PRKG1: variants seen among roughly 807,000 people sequenced by gnomAD.
PRKG1 encodes the protein cGMP-dependent protein kinase 1.
PRKG1 carries 35 observed loss-of-function variants against 88.1 expected under a neutral mutation model. The ratio of observed to expected loss-of-function variants is 0.40; its 90% confidence interval spans 0.30 to 0.53. The LOEUF is 0.53. PRKG1 is among the 20% of genes least tolerant of loss of function. The pLI is 0.59. For missense variants in PRKG1, 540 were observed against 839.8 expected (o/e 0.64, Z 4.41); for synonymous variants, 303 against 292.5 (o/e 1.04, Z -0.37).
At chr10:52,071,239 G>A (rs10762551) in intron 7 of PRKG1, among the ~76,000 whole-genome samples, 26,210 of 151,968 alleles carry the variant, frequency 0.17, 2,862 homozygotes, top group South Asian at 0.28. Context: ...ATACTCCCAT[G>A]GCCCAAGTAG....
intron 3 of PRKG1, among the ~76,000 whole-genome samples, chr10:51,669,889 G>A (rs1564598883): frequency 6.6e-6 from 1 of 152,114 alleles, no homozygotes. Context: ...CTTCAACGAA[G>A]CTGATTAATT....
At chr10:51,420,882 G>C (rs1838392352) in intron 2 of PRKG1, among the ~76,000 whole-genome samples, 1 of 152,146 alleles carries the variant, frequency 6.6e-6, no homozygotes, top group South Asian at 2.1e-4. Flanking sequence ...CATGGTAAAA[G>C]TAGGAGTAAG....
chr10:51,793,619 A>G (rs1345466578), intron 3 of PRKG1, among the ~76,000 whole-genome samples: 1 of 152,150 alleles, frequency 6.6e-6, no homozygotes, highest in Non-Finnish European at 1.5e-5. Context: ...TCAAAGACAA[A>G]GAGAGGAAAG....
chr10:51,594,419 A>C (rs546681819), intron 3 of PRKG1, among the ~76,000 whole-genome samples: 2 of 152,228 alleles, frequency 1.3e-5, no homozygotes, highest in Non-Finnish European at 1.5e-5. Flanking sequence ...TTGAATATAC[A>C]TAATAAATGG....
At chr10:51,081,412 A>G (rs536595004) in intron 1 of PRKG1, among the ~76,000 whole-genome samples, 2 of 152,356 alleles carry the variant, frequency 1.3e-5, no homozygotes, top group African/African-American at 2.4e-5. Context: ...GAAGACTGCC[A>G]TAGAGAAGAG....
In PRKG1 at chr10:51,716,495, T is replaced by C. The variant is rs565380453; in HGVS notation, c.593-88090T>C. Among the ~76,000 whole-genome samples the C allele has an allele frequency of 5.3e-5, 8 of 152,308 alleles. No homozygotes were observed. In the South Asian group the frequency reaches 1.4e-3, roughly 28 times the overall value. On this transcript the variant is annotated intron_variant, in intron 3 of 17. Coordinates refer to ENST00000373980, the MANE Select transcript of PRKG1 (RefSeq NM_006258.4). ...GTCTTTTACAACATTTTACTTAAAG[T>C]GTTTCCTGGAAATAAGTTCCCTGAT...
chr10:51,128,084 C>T (rs556206681), intron 1 of PRKG1, among the ~76,000 whole-genome samples: 1 of 152,056 alleles, frequency 6.6e-6, no homozygotes, highest in African/African-American at 2.4e-5. Context: ...AAGTAACAAA[C>T]CTCCATGTTT....
chr10:52,246,953 A>AGAT (rs911935025), intron 9 of PRKG1, among the ~76,000 whole-genome samples: 3 of 133,820 alleles, frequency 2.2e-5, no homozygotes, highest in Admixed American at 7.9e-5. Flanking sequence ...CCATAGCCCC[A>AGAT]GATGAATCTT....
At chr10:51,718,514 A>C (rs1004451892) in intron 3 of PRKG1, among the ~76,000 whole-genome samples, 3 of 152,212 alleles carry the variant, frequency 2.0e-5, no homozygotes, top group Non-Finnish European at 4.4e-5. Flanking sequence ...TCTAAAGGGT[A>C]GCCATTGGGG....
At chr10:51,242,695 A>G (rs1384840329) in intron 2 of PRKG1, among the ~76,000 whole-genome samples, 2 of 152,152 alleles carry the variant, frequency 1.3e-5, no homozygotes, top group African/African-American at 4.8e-5. Context: ...GTTACAAAGA[A>G]TGGGAGAGGA....
chr10:52,035,126 T>C (rs1398244409), intron 5 of PRKG1, among the ~76,000 whole-genome samples: 2 of 152,168 alleles, frequency 1.3e-5, no homozygotes, highest in Non-Finnish European at 2.9e-5. Context: ...AAGGCTAAAC[T>C]GAGGAATTAT....
intron 3 of PRKG1, among the ~76,000 whole-genome samples, chr10:51,720,972 A>C (rs10762330): frequency 0.44 from 67,038 of 151,554 alleles, 15,422 homozygotes; most frequent in Middle Eastern, 0.57. Flanking sequence ...TTTGGGAGGC[A>C]GAGGTGGGAG....
At position 52,213,501 on chromosome 10, in the gene PRKG1, G is replaced by T. The variant is rs113953503; in HGVS notation, c.1077-38069G>T. 1.7e-3 allele frequency among the ~76,000 whole-genome samples: 256 copies of T among 152,316 alleles called. 1 individual carries two copies. The highest frequency in any genetic ancestry group is 5.7e-3 in the African/African-American group (235 of 41,576). On this transcript the variant is annotated intron_variant, in intron 9 of 17. Coordinates refer to ENST00000373980, the MANE Select transcript of PRKG1 (RefSeq NM_006258.4). ...GAGTCCATTTTAACATAGCAGCAAT[G>T]CATTCATGAAATCCTAGCTGGAACC...
intron 3 of PRKG1, among the ~76,000 whole-genome samples, chr10:51,623,463 A>G (rs1839260090): frequency 6.6e-6 from 1 of 152,192 alleles, no homozygotes; most frequent in Non-Finnish European, 1.5e-5. Context: ...CAGCCTGCCA[A>G]AGTGCTGGGA....
chr10:51,675,629 G>A (rs1388661955), intron 3 of PRKG1, among the ~76,000 whole-genome samples: 3 of 152,198 alleles, frequency 2.0e-5, no homozygotes, highest in Non-Finnish European at 4.4e-5. Flanking sequence ...TCTACCCAAA[G>A]TGTTTCCAGT....
chr10:51,054,979 C>T (rs1483930010), intron 1 of PRKG1, among the ~76,000 whole-genome samples: 3 of 152,138 alleles, frequency 2.0e-5, no homozygotes, highest in South Asian at 2.1e-4. Flanking sequence ...ATGCCAAATA[C>T]TATTATATAA....
intron 5 of PRKG1, among the ~76,000 whole-genome samples, chr10:52,052,530 G>T (rs1195777401): frequency 6.6e-6 from 1 of 152,066 alleles, no homozygotes; most frequent in Non-Finnish European, 1.5e-5. Flanking sequence ...TGTTGGTAAA[G>T]ACATCCCTAA....
chr10:51,222,266 C>CT (rs1263226235), intron 2 of PRKG1, among the ~76,000 whole-genome samples: 2 of 152,112 alleles, frequency 1.3e-5, no homozygotes, highest in Admixed American at 1.3e-4. Flanking sequence ...CTTGTCTACT[C>CT]TAAGACCAAA....
intron 2 of PRKG1, among the ~76,000 whole-genome samples, chr10:51,313,025 A>C (rs1841230617): frequency 1.3e-5 from 2 of 151,410 alleles, no homozygotes; most frequent in South Asian, 4.2e-4. Context: ...TTCCACATTG[A>C]TAAAGAAAGA....
Sources: gnomAD v4.1 joint callset for allele counts (sites outside exome capture counted in the v4.1 genomes callset) on GRCh38, gnomAD v4.1.1 for gene constraint, MANE v1.5 for transcripts, NCBI Gene and HGNC (gene_info 2026-07-23, HGNC 2026-07-21) for gene names.